The following HNF1B variants were observed in gnomAD, a reference collection of about 807,000 sequenced individuals.
HNF1B encodes the protein hepatocyte nuclear factor 1-beta.
A neutral mutation model predicts 61.7 loss-of-function variants in HNF1B; 8 were observed. The ratio of observed to expected loss-of-function variants is 0.13; its 90% CI spans 0.08 to 0.23. The LOEUF (loss-of-function observed/expected upper bound fraction) is 0.23, where lower values mean the gene tolerates loss of function less well. Ranked by LOEUF, HNF1B falls within the 10% of genes least tolerant of loss-of-function variation. The probability of loss-of-function intolerance (pLI) is 1.00; values close to 1 mark genes in which losing one functional copy is unlikely to be tolerated. For missense variants in HNF1B, 562 were observed against 714.5 expected (o/e 0.79, Z 2.43); for synonymous variants, 314 against 287.7 (o/e 1.09, Z -0.93).
intron 8 of HNF1B, among the ~76,000 whole-genome samples, chr17:37,690,933 G>A (rs2147417988): frequency 6.6e-6 from 1 of 152,302 alleles, no homozygotes; most frequent in African/African-American, 2.4e-5. Flanking sequence ...CCATGGGACT[G>A]GAGGAGATCA....
intron 3 of HNF1B, among the ~76,000 whole-genome samples, chr17:37,732,534 C>A (rs564626642): frequency 4.2e-4 from 64 of 152,344 alleles, no homozygotes; most frequent in African/African-American, 1.4e-3. Flanking sequence ...CTTCCCACAG[C>A]CAAGGCCAGC....
At chr17:37,723,922 C>T (rs1237933466) in intron 4 of HNF1B, among the ~76,000 whole-genome samples, 2 of 152,174 alleles carry the variant, frequency 1.3e-5, no homozygotes, top group Non-Finnish European at 2.9e-5. Context: ...ATTCCAGAGA[C>T]TTGCCCAAGG....
intron 4 of HNF1B, among the ~76,000 whole-genome samples, chr17:37,726,964 T>C (rs2033520227): frequency 1.3e-5 from 2 of 152,082 alleles, no homozygotes; most frequent in South Asian, 2.1e-4. Flanking sequence ...CTTTTACCCC[T>C]CCTCTCCTCC....
chr17:37,738,110 G>A (rs1187921866), intron 2 of HNF1B, among the ~76,000 whole-genome samples: 3 of 152,208 alleles, frequency 2.0e-5, no homozygotes, highest in African/African-American at 7.2e-5. Context: ...GGAGACAATG[G>A]CTCCTGAGAA....
At chr17:37,713,431 A>C (rs1289008988) in intron 4 of HNF1B, among the ~76,000 whole-genome samples, 1 of 152,174 alleles carries the variant, frequency 6.6e-6, no homozygotes, top group Non-Finnish European at 1.5e-5. Context: ...GAGAGACTCA[A>C]GAGCCATTTG....
chr17:37,701,920 G>A (rs1352478634), intron 6 of HNF1B, among the ~76,000 whole-genome samples: 1 of 152,216 alleles, frequency 6.6e-6, no homozygotes, highest in Non-Finnish European at 1.5e-5. Flanking sequence ...CTGTTCTGGA[G>A]ATGTCAGGGC....
In HNF1B at chr17:37,707,170, C is replaced by T. The variant is rs2032779740; in HGVS notation, c.1207-2121G>A. Among the ~76,000 whole-genome samples, 3 of 149,784 alleles carry T rather than the reference C, an allele frequency of 2.0e-5. No homozygotes were observed. In the Admixed American group the frequency reaches 2.0e-4, roughly 10 times the overall value. ...TTACTCTATCGCCAAGGCTGGAGTG[C>T]AGTGGCATGATCACAGCTCACTGCA... On this transcript the variant is annotated intron_variant, in intron 5 of 8. Transcript: ENST00000617811.
intron 8 of HNF1B, among the ~76,000 whole-genome samples, chr17:37,696,997 C>G (rs1286063150): frequency 6.6e-6 from 1 of 152,082 alleles, no homozygotes; most frequent in Non-Finnish European, 1.5e-5. Context: ...TACTCTTGTT[C>G]CTGACCACAA....
At chr17:37,733,342 A>G (rs1351828450) in intron 3 of HNF1B, among the ~76,000 whole-genome samples, 1 of 152,162 alleles carries the variant, frequency 6.6e-6, no homozygotes, top group East Asian at 1.9e-4. Flanking sequence ...CCTTTAATAT[A>G]TGTTGTGACT....
chr17:37,732,559 G>A (rs2033718715), intron 3 of HNF1B, among the ~76,000 whole-genome samples: 1 of 152,240 alleles, frequency 6.6e-6, no homozygotes, highest in Non-Finnish European at 1.5e-5. Flanking sequence ...CCCAGAGACA[G>A]AGAAAGCGCA....
intron 7 of HNF1B, among the ~76,000 whole-genome samples, chr17:37,699,825 G>C (rs1054672280): frequency 6.6e-6 from 1 of 152,196 alleles, no homozygotes; most frequent in Non-Finnish European, 1.5e-5. Context: ...CCACAGGCCC[G>C]AGTGGGGATT....
intron 5 of HNF1B, 150 bp from the exon 6 acceptor site, chr17:37,705,199 G>C: frequency 1.1e-6 from 1 of 920,484 alleles, no homozygotes. Flanking sequence ...GCTGGGCATG[G>C]TGCTTCACCC....
intron 4 of HNF1B, among the ~76,000 whole-genome samples, chr17:37,710,974 G>A (rs1301395704): frequency 6.6e-6 from 1 of 152,242 alleles, no homozygotes; most frequent in East Asian, 1.9e-4. Flanking sequence ...TGAATGACTG[G>A]ATGGATTCTG....
At chr17:37,743,515 CA>C (rs2147593576) in intron 1 of HNF1B, among the ~76,000 whole-genome samples, 1 of 152,384 alleles carries the variant, frequency 6.6e-6, no homozygotes, top group Admixed American at 6.5e-5. Flanking sequence ...AATGCAAGGT[CA>C]TATCCCACCC....
rs1253186567 is a variant in HNF1B at position 37,687,386 on chromosome 17, G to C, written c.1660C>G (p.Leu554Val). Residue 554 changes from leucine (L) to valine (V), a missense_variant, in exon 9 of 9, where the codon CTA (leucine) becomes GTA (valine). Physicochemically the swap from Leu to Val is conservative, Grantham distance 32. This residue lies in a region of HNF1B where 64 missense variants were observed against 96.9 expected (regional missense o/e 0.66). Coordinates refer to ENST00000617811, the MANE Select transcript of HNF1B (RefSeq NM_000458.4). ...GTGTGTGGGCATCACCAGGCTTGTA[G>C]AGGACACTGCAGAGAGAGAGGAGAG... is the stretch of plus-strand genomic sequence containing the variant. ...TNMSSSKQCP[L>V]QAW The C allele has an allele frequency of 2.5e-6, 4 of 1,613,246 alleles. No individual in the cohort carries two copies. In the Admixed American group the frequency reaches 6.7e-5, roughly 27 times the overall value.
intron 4 of HNF1B, among the ~76,000 whole-genome samples, chr17:37,728,177 T>C (rs1334533976): frequency 2.7e-5 from 4 of 146,392 alleles, no homozygotes; most frequent in East Asian, 2.0e-4. Flanking sequence ...GATTTTTGTG[T>C]TTTTAGTAGA....
chr17:37,744,252 G>A (rs1380103125), intron 1 of HNF1B, among the ~76,000 whole-genome samples: 2 of 152,238 alleles, frequency 1.3e-5, no homozygotes, highest in South Asian at 4.1e-4. Context: ...CCCGGCAAAG[G>A]GCTCCACAGC....
chr17:37,724,224 T>G (rs1368823638), intron 4 of HNF1B, among the ~76,000 whole-genome samples: 1 of 152,024 alleles, frequency 6.6e-6, no homozygotes, highest in Non-Finnish European at 1.5e-5. Context: ...AGAATCTGTA[T>G]CCTAACACCC....
At chr17:37,704,879 C>T (rs1258766260) in intron 6 of HNF1B, 38 bp downstream of exon 6, 2 of 1,612,066 alleles carry the variant, frequency 1.2e-6, no homozygotes, top group Admixed American at 3.3e-5. Context: ...TTCTTCTTCT[C>T]CCTGCCCCCA....
Sources: gnomAD v4.1 joint callset for allele counts (sites outside exome capture counted in the v4.1 genomes callset) on GRCh38, gnomAD v4.1.1 for gene constraint, gnomAD v4.1.1 regional missense constraint, MANE v1.5 for transcripts, NCBI Gene and HGNC (gene_info 2026-07-23, HGNC 2026-07-21) for gene names.